Variants in KIZ observed in about 807,000 individuals in gnomAD.
The protein encoded by KIZ is centrosomal protein kizuna.
KIZ carries 68 observed loss-of-function variants against 79.6 expected under a neutral mutation model. The observed-to-expected ratio is 0.85, with a 90% CI of 0.70 to 1.05. The LOEUF is 1.05. Among genes scored for constraint, KIZ ranks in the 50% least tolerant of loss-of-function variants. The pLI, the probability that KIZ is intolerant of heterozygous loss-of-function variation, is 0.00. For synonymous variants in KIZ, 280 were observed against 281.8 expected (o/e 0.99, Z 0.06); for missense variants, 797 against 800.4 (o/e 1.00, Z 0.05).
chr20:21,150,487 C>G (rs1047353487), intron 4 of KIZ, among the ~76,000 whole-genome samples: 1 of 152,190 alleles, frequency 6.6e-6, no homozygotes, highest in African/African-American at 2.4e-5. Flanking sequence ...ACGTGGCCCT[C>G]GGTTCTGCCA....
intron 6 of KIZ, among the ~76,000 whole-genome samples, chr20:21,180,891 C>T (rs2034630914): frequency 1.3e-5 from 2 of 152,086 alleles, no homozygotes; most frequent in Non-Finnish European, 2.9e-5. Context: ...AGCTGAGGCC[C>T]CAGACATCAT....
At chr20:21,194,614 C>G (rs2035259354) in intron 6 of KIZ, 1 of 152,176 alleles carries the variant, frequency 6.6e-6, no homozygotes, top group African/African-American at 2.4e-5. Flanking sequence ...ATCATAAGCT[C>G]TGTGCATAGT....
chr20:21,126,928 T>C (rs138230661), intron 1 of KIZ, among the ~76,000 whole-genome samples: 38 of 152,336 alleles, frequency 2.5e-4, no homozygotes, highest in African/African-American at 8.9e-4. Flanking sequence ...GCTAAGTTAA[T>C]TGGAGTTGTA....
chr20:21,201,695 A>C (rs1030768454), intron 6 of KIZ, among the ~76,000 whole-genome samples: 18 of 152,266 alleles, frequency 1.2e-4, no homozygotes, highest in Admixed American at 3.9e-4. Context: ...TTACATTTTT[A>C]ATTAAAGAAT....
intron 9 of KIZ, among the ~76,000 whole-genome samples, chr20:21,220,808 GAC>G (rs2036478763): frequency 6.6e-6 from 1 of 152,212 alleles, no homozygotes; most frequent in Non-Finnish European, 1.5e-5. Flanking sequence ...TTACCAAAAA[GAC>G]AACTGCATCA....
chr20:21,217,842 A>G (rs1192092741), intron 9 of KIZ, among the ~76,000 whole-genome samples: 1 of 152,184 alleles, frequency 6.6e-6, no homozygotes, highest in East Asian at 1.9e-4. Flanking sequence ...AGCATTTCCA[A>G]ACCAGCTATG....
chr20:21,196,404 A>AT (rs1157850216), intron 6 of KIZ: 1 of 152,298 alleles, frequency 6.6e-6, no homozygotes, highest in Non-Finnish European at 1.5e-5. Context: ...TTACCGCTTC[A>AT]TAATTCCTGA....
chr20:21,150,230 A>G (rs1457002468), intron 4 of KIZ, among the ~76,000 whole-genome samples: 1 of 152,240 alleles, frequency 6.6e-6, no homozygotes. Flanking sequence ...AGAGGAGGAC[A>G]CTGGGCAGGT....
chr20:21,137,020 G>A (rs1461665723), intron 3 of KIZ, among the ~76,000 whole-genome samples: 1 of 152,178 alleles, frequency 6.6e-6, no homozygotes, highest in Non-Finnish European at 1.5e-5. Flanking sequence ...TACCTGGCAC[G>A]GTGTAACACA....
chr20:21,128,188 T>G (rs1462510886), intron 1 of KIZ, among the ~76,000 whole-genome samples: 1 of 152,178 alleles, frequency 6.6e-6, no homozygotes, highest in East Asian at 1.9e-4. Context: ...AATTTTTGTA[T>G]TTTTAGTGGA....
chr20:21,237,257 G>A (rs1012005377), intron 11 of KIZ, among the ~76,000 whole-genome samples: 2 of 146,906 alleles, frequency 1.4e-5, no homozygotes, highest in African/African-American at 2.5e-5. Flanking sequence ...CATCGAGATC[G>A]TGCCACTACA....
chr20:21,198,481 CTGAG>C (rs947872199), intron 6 of KIZ: 18 of 152,716 alleles, frequency 1.2e-4, no homozygotes, highest in South Asian at 6.2e-4. Context: ...GTTTGGCTGG[CTGAG>C]TGAGTGAGTG....
chr20:21,187,060 A>G (rs2034903076), intron 6 of KIZ, among the ~76,000 whole-genome samples: 2 of 152,184 alleles, frequency 1.3e-5, no homozygotes, highest in African/African-American at 4.8e-5. Context: ...ATGAATGTTT[A>G]TTGGAGCATT....
chr20:21,144,278 C>T (rs75235605), intron 3 of KIZ: 4 of 152,138 alleles, frequency 2.6e-5, no homozygotes, highest in African/African-American at 9.6e-5. Flanking sequence ...TTTGTAGTCA[C>T]AAGAAAAAAG....
chr20:21,136,660 T>G, intron 3 of KIZ, 108 bp downstream of exon 3: 1 of 749,280 alleles, frequency 1.3e-6, no homozygotes. Flanking sequence ...CTTGAACACC[T>G]GGGCTCAAGC....
chr20:21,232,723 G>A lies in KIZ; in HGVS notation c.1784-11G>A, dbSNP rs375613008. 1.0e-3 allele frequency: 1,485 copies of A among 1,452,838 alleles called. 19 individuals carry two copies. The South Asian group carries it at 0.01, about 10-fold the overall frequency. 90.0% of individuals were successfully genotyped at this position (1,452,838 alleles called of 1,614,324 possible). A position where few individuals can be genotyped will look rare whatever the true frequency, so the allele number is the denominator to read the frequency against. On this transcript the variant is annotated splice_polypyrimidine_tract_variant and intron_variant, in intron 10 of 12. Coordinates refer to ENST00000619189, the MANE Select transcript of KIZ (RefSeq NM_018474.6). ...GCTAACCCTCACTCTCCATGTTTAC[G>A]CTTATCACAGGTTTGAATATTGGCA...
intron 2 of KIZ, among the ~76,000 whole-genome samples, chr20:21,136,007 C>A (rs1287684395): frequency 6.6e-6 from 1 of 152,002 alleles, no homozygotes; most frequent in African/African-American, 2.4e-5. Flanking sequence ...TCCATATGAG[C>A]AGTTATTTTT....
intron 1 of KIZ, 128 bp downstream of exon 1, chr20:21,126,332 C>A: frequency 1.8e-6 from 1 of 567,440 alleles, no homozygotes; most frequent in South Asian, 2.7e-5. Context: ...CAACGCCCCC[C>A]AGGCTCCCAG....
At chr20:21,167,011 G>A (rs1409487285) in intron 6 of KIZ, among the ~76,000 whole-genome samples, 3 of 152,178 alleles carry the variant, frequency 2.0e-5, no homozygotes, top group Non-Finnish European at 2.9e-5. Flanking sequence ...GGGGCTAAGG[G>A]CCTCAGTCCT....
Sources: allele counts gnomAD v4.1 joint callset (sites outside exome capture counted in the v4.1 genomes callset), GRCh38; gene constraint gnomAD v4.1.1; transcripts MANE v1.5; gene names NCBI Gene and HGNC (gene_info 2026-07-23, HGNC 2026-07-21).